PELI2: variants seen among roughly 807,000 people sequenced by gnomAD.
The protein encoded by PELI2 is E3 ubiquitin-protein ligase pellino homolog 2.
PELI2 carries 23 observed loss-of-function variants against 42.3 expected under a neutral mutation model. The ratio of observed to expected loss-of-function variants is 0.54; its 90% CI spans 0.39 to 0.77. The LOEUF (loss-of-function observed/expected upper bound fraction) is 0.77, where lower values mean the gene tolerates loss of function less well. PELI2 is among the 30% of genes least tolerant of loss of function. The probability of loss-of-function intolerance (pLI) is 0.00; values close to 1 mark genes in which losing one functional copy is unlikely to be tolerated. For synonymous variants in PELI2, 245 were observed against 212.2 expected (o/e 1.15, Z -1.34); for missense variants, 463 against 553.2 (o/e 0.84, Z 1.64).
chr14:56,205,307 T>A (rs1455262229), intron 2 of PELI2, among the ~76,000 whole-genome samples: 1 of 151,758 alleles, frequency 6.6e-6, no homozygotes, highest in Non-Finnish European at 1.5e-5. Context: ...GATCAAAGAG[T>A]GATACTGGTA....
intron 2 of PELI2, among the ~76,000 whole-genome samples, chr14:56,241,793 G>T (rs1335422567): frequency 2.0e-5 from 3 of 152,244 alleles, no homozygotes; most frequent in Admixed American, 6.5e-5. Flanking sequence ...CTTTTGAGGG[G>T]AAATGAGTAA....
chr14:56,171,681 T>A (rs895379236), intron 1 of PELI2, among the ~76,000 whole-genome samples: 8 of 152,058 alleles, frequency 5.3e-5, no homozygotes, highest in Admixed American at 3.9e-4. Flanking sequence ...GAAGATTTGG[T>A]GATAGTTTTC....
intron 2 of PELI2, among the ~76,000 whole-genome samples, chr14:56,201,944 C>T (rs977816005): frequency 6.6e-6 from 1 of 152,202 alleles, no homozygotes; most frequent in African/African-American, 2.4e-5. Context: ...GTGTTAGATA[C>T]TATTCTAGCA....
intron 1 of PELI2, among the ~76,000 whole-genome samples, chr14:56,171,542 G>A (rs1205526491): frequency 2.6e-5 from 4 of 152,188 alleles, no homozygotes; most frequent in Non-Finnish European, 5.9e-5. Flanking sequence ...CAGCTTGTAG[G>A]TTTTCATTGC....
Position 56,288,207 on chromosome 14 carries a change from C to CT in PELI2, c.310-228dup, listed in dbSNP as rs1334781330. The stretch of plus-strand genomic sequence containing the variant: ...CAGAGGATACATCTCATATTATATT[C>CT]TTAGCACAATACAATAAAATTAAAA... On this transcript the variant is annotated intron_variant, in intron 3 of 5. Transcript: ENST00000267460. The surrounding 1 kb of genome is among the most constrained non-coding windows in gnomAD (Gnocchi z 4.6). Among the ~76,000 whole-genome samples the CT allele has an allele frequency of 6.6e-6, 1 of 152,122 alleles. No individual in the cohort carries two copies. Among genetic ancestry groups the CT allele is most frequent in the African/African-American group, 2.4e-5 (1 of 41,432 alleles).
At chr14:56,193,966 C>A (rs1886041285) in intron 2 of PELI2, among the ~76,000 whole-genome samples, 1 of 152,166 alleles carries the variant, frequency 6.6e-6, no homozygotes, top group Non-Finnish European at 1.5e-5. Context: ...GATTGCTTAG[C>A]TAGCTTGAGC....
intron 2 of PELI2, among the ~76,000 whole-genome samples, chr14:56,248,012 G>T (rs1222079789): frequency 1.3e-5 from 2 of 152,206 alleles, no homozygotes; most frequent in Non-Finnish European, 2.9e-5. Context: ...AAAAGTGTCA[G>T]TGCTATTTTG....
At chr14:56,172,369 A>G (rs1350650910) in intron 1 of PELI2, among the ~76,000 whole-genome samples, 1 of 152,156 alleles carries the variant, frequency 6.6e-6, no homozygotes, top group African/African-American at 2.4e-5. Flanking sequence ...TCGGCTTTTC[A>G]CACTGGCCTT....
intron 1 of PELI2, among the ~76,000 whole-genome samples, chr14:56,154,648 GA>G (rs1271874447): frequency 6.6e-6 from 1 of 152,152 alleles, no homozygotes; most frequent in African/African-American, 2.4e-5. Context: ...ATAGCGGTTT[GA>G]AAATGGACTA....
At chr14:56,285,342 T>C (rs1028197483) in intron 3 of PELI2, among the ~76,000 whole-genome samples, 1 of 152,160 alleles carries the variant, frequency 6.6e-6, no homozygotes, top group Admixed American at 6.5e-5. Context: ...TTGAGCAAAT[T>C]GGATGTCAGT....
chr14:56,291,416 A>G (rs1438271617), intron 5 of PELI2, among the ~76,000 whole-genome samples: 1 of 152,178 alleles, frequency 6.6e-6, no homozygotes, highest in Non-Finnish European at 1.5e-5. Flanking sequence ...TGTTTAGGGA[A>G]TGGTTATTTT....
At chr14:56,199,700 C>T (rs993859984) in intron 2 of PELI2, among the ~76,000 whole-genome samples, 18 of 152,268 alleles carry the variant, frequency 1.2e-4, no homozygotes, top group African/African-American at 3.6e-4. Context: ...GTTATATAAA[C>T]GGATAAGATA....
intron 1 of PELI2, among the ~76,000 whole-genome samples, chr14:56,132,588 C>T (rs1391499313): frequency 6.6e-5 from 10 of 152,078 alleles, no homozygotes; most frequent in Admixed American, 1.3e-4. Context: ...CCCAGACCCA[C>T]GGAAAGGGTC....
intron 3 of PELI2, 52 bp downstream of exon 3, chr14:56,279,829 C>G (rs768454164): frequency 2.2e-6 from 2 of 902,210 alleles, no homozygotes; most frequent in East Asian, 2.5e-5. Flanking sequence ...CTTTAATTCT[C>G]TATTTTTTAT....
At chr14:56,152,007 G>A (rs1003281742) in intron 1 of PELI2, among the ~76,000 whole-genome samples, 1 of 152,178 alleles carries the variant, frequency 6.6e-6, no homozygotes, top group Non-Finnish European at 1.5e-5. Flanking sequence ...GTTACTCCCA[G>A]GTAGTTGGTC....
intron 2 of PELI2, among the ~76,000 whole-genome samples, chr14:56,215,641 T>G (rs2139737726): frequency 6.6e-6 from 1 of 152,384 alleles, no homozygotes; most frequent in African/African-American, 2.4e-5. Flanking sequence ...TACATTTTGG[T>G]AGCAAAACAC....
chr14:56,256,863 G>A lies in PELI2; in HGVS notation c.208-22813G>A, dbSNP rs77161625. Reference sequence around the variant, plus strand: ...TTTTAGAATGTATGTAGGCTTCAGCGTGTAGGCTTCCATATTCAAATTCAT... The same window carrying A: ...TTTTAGAATGTATGTAGGCTTCAGCATGTAGGCTTCCATATTCAAATTCAT... On this transcript the variant is annotated intron_variant, in intron 2 of 5. Coordinates refer to ENST00000267460, the MANE Select transcript of PELI2 (RefSeq NM_021255.3). 8.4e-3 allele frequency among the ~76,000 whole-genome samples: 1,275 copies of A among 152,270 alleles called. 20 individuals are homozygous for A. The highest frequency in any genetic ancestry group is 0.029 in the African/African-American group (1,213 of 41,558).
At chr14:56,169,178 T>C (rs1885077459) in intron 1 of PELI2, among the ~76,000 whole-genome samples, 2 of 152,176 alleles carry the variant, frequency 1.3e-5, no homozygotes, top group Non-Finnish European at 2.9e-5. Context: ...CTCCCTGGGC[T>C]GTTCCAGCTG....
rs1313475793 is a variant in PELI2, at chr14:56,178,500, C to T, written c.207+36C>T. ...CTGTCAAGAGTTGGGAGGGTGCTGG[C>T]AAACAGTGACTCACAGATACTCCTT... On this transcript the variant is annotated intron_variant, in intron 2 of 5. Transcript: ENST00000267460. The T allele has an allele frequency of 2.5e-6, 4 of 1,610,320 alleles. No individual in the cohort carries two copies. In the African/African-American group the frequency reaches 4.0e-5, roughly 16 times the overall value.
Sources: gnomAD v4.1 joint callset for allele counts (sites outside exome capture counted in the v4.1 genomes callset) on GRCh38, gnomAD v4.1.1 for gene constraint, Gnocchi (gnomAD v3.1) non-coding constraint, MANE v1.5 for transcripts, NCBI Gene and HGNC (gene_info 2026-07-23, HGNC 2026-07-21) for gene names.